The following NAALADL2 variants were observed in gnomAD, a reference collection of about 807,000 sequenced individuals.
NAALADL2 encodes N-acetylated alpha-linked acidic dipeptidase like 2.
A neutral mutation model predicts 87.2 loss-of-function variants in NAALADL2; 76 were observed. The ratio of observed to expected loss-of-function variants is 0.87; its 90% confidence interval spans 0.72 to 1.05. NAALADL2 has a LOEUF of 1.05. Ranked by LOEUF, NAALADL2 falls within the 50% of genes least tolerant of loss-of-function variation. The pLI, the probability that NAALADL2 is intolerant of heterozygous loss-of-function variation, is 0.00. For synonymous variants in NAALADL2, 354 were observed against 331.0 expected, an observed-to-expected ratio of 1.07 and a Z score of -0.75; for missense variants, 1,089 against 945.8, an observed-to-expected ratio of 1.15 and a Z score of -1.99.
At chr3:174,697,154 G>T (rs1292276980) in intron 2 of NAALADL2, among the ~76,000 whole-genome samples, 1 of 152,068 alleles carries the variant, frequency 6.6e-6, no homozygotes, top group Non-Finnish European at 1.5e-5. Context: ...GCATCTTGAT[G>T]ATAGCAATGC....
At chr3:175,797,534 A>C (rs1039913335) in intron 13 of NAALADL2, among the ~76,000 whole-genome samples, 5 of 152,118 alleles carry the variant, frequency 3.3e-5, no homozygotes, top group African/African-American at 1.2e-4. Flanking sequence ...TGTAAAGGAC[A>C]GACTTTTAAT....
At chr3:174,472,890 GTGTTTAT>G (rs1716989621) in intron 1 of NAALADL2, among the ~76,000 whole-genome samples, 1 of 151,966 alleles carries the variant, frequency 6.6e-6, no homozygotes, top group Non-Finnish European at 1.5e-5. Flanking sequence ...TGCCATATTT[GTGTTTAT>G]TGTGCAGTAT....
At chr3:174,819,801 T>C (rs1001172246) in intron 3 of NAALADL2, among the ~76,000 whole-genome samples, 4 of 152,198 alleles carry the variant, frequency 2.6e-5, no homozygotes, top group African/African-American at 7.2e-5. Context: ...TACTGAGAAA[T>C]TAATAAAGCT....
chr3:175,197,035 A>G (rs1739120003), intron 2 of NAALADL2, among the ~76,000 whole-genome samples: 1 of 152,020 alleles, frequency 6.6e-6, no homozygotes, highest in Admixed American at 6.6e-5. Context: ...TTTTTACTGC[A>G]ATATGCAATT....
intron 2 of NAALADL2, among the ~76,000 whole-genome samples, chr3:174,599,461 T>C (rs1278531019): frequency 2.6e-5 from 4 of 152,102 alleles, no homozygotes; most frequent in Admixed American, 1.3e-4. Flanking sequence ...GGGAAGGGTG[T>C]GTCTCAGAAT....
At chr3:175,655,388 A>C (rs1731315318) in intron 11 of NAALADL2, 2 of 275,904 alleles carry the variant, frequency 7.2e-6, no homozygotes, top group Non-Finnish European at 1.5e-5. Context: ...AAATTATTGG[A>C]AATCTCTAAG....
At chr3:174,899,858 A>G (rs1370957114) in intron 1 of NAALADL2, among the ~76,000 whole-genome samples, 1 of 150,982 alleles carries the variant, frequency 6.6e-6, no homozygotes, top group Admixed American at 6.7e-5. Flanking sequence ...CCATTTCTAC[A>G]TTTCTGAAAG....
At chr3:175,802,341 T>C (rs988365689) in intron 13 of NAALADL2, among the ~76,000 whole-genome samples, 1 of 151,280 alleles carries the variant, frequency 6.6e-6, no homozygotes, top group Admixed American at 6.6e-5. Context: ...GGGGGGACAA[T>C]TTTGCTCTGT....
Position 175,807,190 on chromosome 3 carries a change from A to G in NAALADL2, c.*3987A>G, listed in dbSNP as rs568516618. Reference sequence around the variant, plus strand: ...ATGCTTATATAATTTCACTAAAAAAAGAAAAGCAGGTGCTGTGATTTAGAA... The same window carrying G: ...ATGCTTATATAATTTCACTAAAAAAGGAAAAGCAGGTGCTGTGATTTAGAA... On this transcript the variant is annotated 3_prime_UTR_variant, in exon 14 of 14. Coordinates refer to ENST00000454872, the MANE Select transcript of NAALADL2 (RefSeq NM_207015.3). 7.3e-4 allele frequency: 111 copies of G among 151,996 alleles called. 1 individual carries two copies. The highest frequency in any genetic ancestry group is 2.5e-3 in the African/African-American group (103 of 41,478). The allele number at this position is 151,996 out of a possible 1,614,324, so 9.4% of individuals were successfully genotyped here.
chr3:174,869,340 C>T (rs765782562), intron 1 of NAALADL2, among the ~76,000 whole-genome samples: 1 of 152,068 alleles, frequency 6.6e-6, no homozygotes, highest in African/African-American at 2.4e-5. Context: ...CAAAACAGTT[C>T]TAGGAGATAA....
At chr3:175,147,926 C>T (rs1224124992) in intron 2 of NAALADL2, among the ~76,000 whole-genome samples, 1 of 151,686 alleles carries the variant, frequency 6.6e-6, no homozygotes, top group East Asian at 1.9e-4. Context: ...AAAAATTAGC[C>T]AGGCATAGTG....
At chr3:174,458,335 G>T (rs1328747618) in intron 1 of NAALADL2, among the ~76,000 whole-genome samples, 1 of 152,036 alleles carries the variant, frequency 6.6e-6, no homozygotes, top group African/African-American at 2.4e-5. Context: ...CTGACAACTT[G>T]ACTCACCTGT....
chr3:174,465,404 T>A (rs1189846101), intron 1 of NAALADL2, among the ~76,000 whole-genome samples: 1 of 152,218 alleles, frequency 6.6e-6, no homozygotes, highest in African/African-American at 2.4e-5. Flanking sequence ...CGTATTCACT[T>A]ATGTTTACTG....
At chr3:174,515,401 A>G (rs1468074594) in intron 1 of NAALADL2, among the ~76,000 whole-genome samples, 1 of 152,084 alleles carries the variant, frequency 6.6e-6, no homozygotes, top group African/African-American at 2.4e-5. Context: ...TGAGGATAAA[A>G]CGAAATGGTG....
intron 2 of NAALADL2, among the ~76,000 whole-genome samples, chr3:174,578,850 C>G (rs984077341): frequency 2.0e-5 from 3 of 151,104 alleles, no homozygotes; most frequent in Non-Finnish European, 4.4e-5. Context: ...ATATAAAGTC[C>G]CAATTTAGAA....
chr3:174,987,836 C>A (rs891203626), intron 1 of NAALADL2, among the ~76,000 whole-genome samples: 6 of 129,314 alleles, frequency 4.6e-5, no homozygotes, highest in Admixed American at 1.4e-4. Flanking sequence ...ATAATGAGAC[C>A]TTGTCTCTCC....
At chr3:174,674,896 T>TA (rs1168179728) in intron 2 of NAALADL2, among the ~76,000 whole-genome samples, 9 of 152,184 alleles carry the variant, frequency 5.9e-5, no homozygotes, top group African/African-American at 2.2e-4. Flanking sequence ...TCTACTTTTT[T>TA]AAAAAATTGA....
At chr3:175,681,610 A>T (rs1429075034) in intron 11 of NAALADL2, among the ~76,000 whole-genome samples, 2 of 152,164 alleles carry the variant, frequency 1.3e-5, no homozygotes, top group Non-Finnish European at 2.9e-5. Context: ...AACATTTGAT[A>T]TTTTTGTTCA....
At chr3:174,729,684 T>C (rs895342578) in intron 2 of NAALADL2, among the ~76,000 whole-genome samples, 6 of 152,050 alleles carry the variant, frequency 3.9e-5, no homozygotes, top group African/African-American at 1.4e-4. Flanking sequence ...TTGAATTTAA[T>C]ATTTTGAGTG....
Sources: gnomAD v4.1 joint callset for allele counts (sites outside exome capture counted in the v4.1 genomes callset) on GRCh38, gnomAD v4.1.1 for gene constraint, MANE v1.5 for transcripts, NCBI Gene and HGNC (gene_info 2026-07-23, HGNC 2026-07-21) for gene names.